KCNMA1: variants seen among roughly 807,000 people sequenced by gnomAD.
KCNMA1 encodes the protein potassium calcium-activated channel subfamily M alpha 1.
KCNMA1 carries 29 observed loss-of-function variants against 140.0 expected under a neutral mutation model. The ratio of observed to expected loss-of-function variants is 0.21; its 90% CI spans 0.15 to 0.28. The LOEUF is 0.28. KCNMA1 is among the 10% of genes least tolerant of loss of function. The pLI, the probability that KCNMA1 is intolerant of heterozygous loss-of-function variation, is 1.00. For missense variants in KCNMA1, 880 were observed against 1,602.2 expected, an observed-to-expected ratio of 0.55 and a Z score of 7.70; for synonymous variants, 612 against 611.9, an observed-to-expected ratio of 1.00 and a Z score of 0.00.
rs116083108 is a variant in KCNMA1 at position 77,529,263 on chromosome 10, G to A, written c.378+108002C>T. On this transcript the variant is annotated intron_variant, in intron 1 of 27. Transcript: ENST00000286628. Reference sequence around the variant, plus strand: ...TTCCCCCTGCACCACTCTGCCTGTGGTTTCCCAGCTCACCTCTGGGCCTTT... The same window carrying A: ...TTCCCCCTGCACCACTCTGCCTGTGATTTCCCAGCTCACCTCTGGGCCTTT... Among the ~76,000 whole-genome samples, 286 of 151,736 alleles carry A rather than the reference G, an allele frequency of 1.9e-3. 1 individual carries two copies. The highest frequency in any genetic ancestry group is 6.5e-3 in the African/African-American group (270 of 41,272).
At chr10:76,880,350 C>A (rs2034122284), downstream of KCNMA1, among the ~76,000 whole-genome samples, 1 of 151,994 alleles carries the variant, frequency 6.6e-6, no homozygotes, top group Non-Finnish European at 1.5e-5. Flanking sequence ...CATGTTTTGG[C>A]CATGCTGCCT....
intron 2 of KCNMA1, among the ~76,000 whole-genome samples, chr10:77,333,656 G>A (rs1262016709): frequency 1.3e-5 from 2 of 152,172 alleles, no homozygotes; most frequent in Non-Finnish European, 2.9e-5. Flanking sequence ...ATTTGCTTGT[G>A]GAACCCATAT....
chr10:77,561,544 TTCC>T, intron 1 of KCNMA1, among the ~76,000 whole-genome samples: 2 of 152,198 alleles, frequency 1.3e-5, no homozygotes, highest in Non-Finnish European at 2.9e-5. Context: ...CTGGTTATGA[TTCC>T]TTCCACTTTC....
chr10:77,436,269 A>C (rs181606198), intron 1 of KCNMA1, among the ~76,000 whole-genome samples: 1 of 152,364 alleles, frequency 6.6e-6, no homozygotes, highest in African/African-American at 2.4e-5. Flanking sequence ...CCAGAACCCC[A>C]GATAGAGCTG....
intron 1 of KCNMA1, among the ~76,000 whole-genome samples, chr10:77,578,709 G>A (rs1276598923): frequency 1.3e-5 from 2 of 152,188 alleles, no homozygotes; most frequent in South Asian, 2.1e-4. Flanking sequence ...GGACTCAGAT[G>A]TCACCTCCTC....
downstream of KCNMA1, chr10:76,875,917 TTA>T (rs1467712676): frequency 6.5e-6 from 1 of 152,770 alleles, no homozygotes; most frequent in East Asian, 1.9e-4. Context: ...TAAGTAGTTT[TTA>T]AACAATCCAA....
At chr10:77,400,656 A>G (rs1204559650) in intron 2 of KCNMA1, among the ~76,000 whole-genome samples, 1 of 152,220 alleles carries the variant, frequency 6.6e-6, no homozygotes, top group Non-Finnish European at 1.5e-5. Context: ...TGCCCTTGCT[A>G]TATCTTGATT....
At chr10:76,949,536 T>C (rs1466388277) in intron 21 of KCNMA1, 170 bp from the exon 22 acceptor site, 3 of 666,048 alleles carry the variant, frequency 4.5e-6, no homozygotes, top group Non-Finnish European at 8.1e-6. Context: ...AGAGCTATAA[T>C]TTGAGCACGT....
At chr10:77,518,890 T>A (rs185588814) in intron 1 of KCNMA1, among the ~76,000 whole-genome samples, 1 of 152,320 alleles carries the variant, frequency 6.6e-6, no homozygotes, top group East Asian at 1.9e-4. Flanking sequence ...ACTGTATGAA[T>A]GCACGCTTGG....
chr10:77,071,011 C>G (rs971923280), intron 14 of KCNMA1, among the ~76,000 whole-genome samples: 1 of 152,162 alleles, frequency 6.6e-6, no homozygotes, highest in African/African-American at 2.4e-5. Context: ...TGGCCTTATA[C>G]AGAAATAATG....
At chr10:77,386,194 T>C (rs1401044486) in intron 2 of KCNMA1, among the ~76,000 whole-genome samples, 2 of 152,212 alleles carry the variant, frequency 1.3e-5, no homozygotes, top group Admixed American at 1.3e-4. Context: ...TGGCTGAGCC[T>C]TTCCTAGTTG....
intron 2 of KCNMA1, among the ~76,000 whole-genome samples, chr10:77,351,247 AG>A (rs1451039751): frequency 1.3e-5 from 2 of 152,228 alleles, no homozygotes; most frequent in African/African-American, 4.8e-5. Flanking sequence ...CTAAAGGTCA[AG>A]GGACAATGAA....
intron 2 of KCNMA1, among the ~76,000 whole-genome samples, chr10:77,293,761 C>T (rs2073329543): frequency 1.3e-5 from 2 of 152,238 alleles, no homozygotes; most frequent in Admixed American, 1.3e-4. Context: ...CAAATGTATG[C>T]TGCCAAGCAA....
intron 14 of KCNMA1, among the ~76,000 whole-genome samples, chr10:77,044,671 G>A (rs1282682212): frequency 6.6e-6 from 1 of 152,084 alleles, no homozygotes; most frequent in East Asian, 1.9e-4. Context: ...ATAAAACCTT[G>A]TGTTTAATAC....
In KCNMA1 at chr10:77,105,872, C is replaced by T. The variant is rs928977852; in HGVS notation, c.1223+2609G>A. The stretch of plus-strand genomic sequence containing the variant: ...GACCTTATATTGCTAATTACTACCA[C>T]ATGCCCATATCCCAAGCGAAAGAAA... On this transcript the variant is annotated intron_variant, in intron 9 of 27. Coordinates refer to ENST00000286628, the MANE Select transcript of KCNMA1 (RefSeq NM_001161352.2). Among the ~76,000 whole-genome samples, 5 of 152,328 alleles carry T rather than the reference C, an allele frequency of 3.3e-5. No individual in the cohort carries two copies. In the South Asian group the frequency reaches 8.3e-4, roughly 25 times the overall value.
At chr10:77,581,569 T>G (rs531275547) in intron 1 of KCNMA1, among the ~76,000 whole-genome samples, 1 of 152,354 alleles carries the variant, frequency 6.6e-6, no homozygotes, top group South Asian at 2.1e-4. Context: ...CCTCCCAAAG[T>G]GCTGGGATTA....
intron 24 of KCNMA1, chr10:76,914,082 C>G: frequency 1.9e-6 from 3 of 1,550,062 alleles, no homozygotes; most frequent in Non-Finnish European, 2.6e-6. Context: ...TTAGAATGTG[C>G]GTCCCACTGT....
At chr10:77,122,842 A>C (rs1015353656) in intron 5 of KCNMA1, among the ~76,000 whole-genome samples, 1 of 152,198 alleles carries the variant, frequency 6.6e-6, no homozygotes, top group African/African-American at 2.4e-5. Context: ...ACCAGTGTTG[A>C]TGGGGTTATT....
At chr10:77,434,032 G>A (rs1288325085) in intron 1 of KCNMA1, among the ~76,000 whole-genome samples, 8 of 152,088 alleles carry the variant, frequency 5.3e-5, no homozygotes, top group Non-Finnish European at 1.0e-4. Context: ...TCACCAACAC[G>A]CCCCAACCTC....
Sources: allele counts gnomAD v4.1 joint callset (sites outside exome capture counted in the v4.1 genomes callset), GRCh38; gene constraint gnomAD v4.1.1; transcripts MANE v1.5; gene names NCBI Gene and HGNC (gene_info 2026-07-23, HGNC 2026-07-21).